Variants in STOX2 observed in about 807,000 individuals in gnomAD.
The protein encoded by STOX2 is storkhead box 2.
Under a neutral mutation model 60.9 loss-of-function variants are expected in STOX2, and 28 were observed. The observed-to-expected ratio is 0.46, with a 90% CI of 0.34 to 0.63. The LOEUF (loss-of-function observed/expected upper bound fraction) is 0.63. Among genes scored for constraint, STOX2 ranks in the 30% least tolerant of loss-of-function variants. STOX2 has a pLI of 0.01. For missense variants in STOX2, 1,024 were observed against 1,187.7 expected, an observed-to-expected ratio of 0.86 and a Z score of 2.03; for synonymous variants, 472 against 463.9, an observed-to-expected ratio of 1.02 and a Z score of -0.22.
At chr4:183,944,776 G>C (rs1448259723) in intron 1 of STOX2, among the ~76,000 whole-genome samples, 1 of 152,140 alleles carries the variant, frequency 6.6e-6, no homozygotes, top group Non-Finnish European at 1.5e-5. Flanking sequence ...ATTTGCCTTT[G>C]AGCACCTCAA....
intron 1 of STOX2, among the ~76,000 whole-genome samples, chr4:183,852,462 AGG>A (rs1740174420): frequency 1.9e-5 from 1 of 53,782 alleles, no homozygotes. Flanking sequence ...AGAAACGATG[AGG>A]GAAAGGATGA....
At chr4:183,910,717 T>C (rs1317251689) in intron 1 of STOX2, among the ~76,000 whole-genome samples, 3 of 152,198 alleles carry the variant, frequency 2.0e-5, no homozygotes, top group Non-Finnish European at 4.4e-5. Flanking sequence ...ATAACATCTT[T>C]AAGGAGTAAA....
At chr4:183,992,363 A>G (rs1348348253) in intron 1 of STOX2, among the ~76,000 whole-genome samples, 1 of 152,218 alleles carries the variant, frequency 6.6e-6, no homozygotes, top group Non-Finnish European at 1.5e-5. Flanking sequence ...GGTGATTCCA[A>G]CTTAAAAAGA....
chr4:183,877,881 G>A (rs948360941), intron 1 of STOX2, among the ~76,000 whole-genome samples: 3 of 151,814 alleles, frequency 2.0e-5, no homozygotes, highest in Admixed American at 1.3e-4. Context: ...GTAGAGACGG[G>A]GTCTCACCCT....
intron 1 of STOX2, among the ~76,000 whole-genome samples, chr4:183,848,488 A>G (rs982696734): frequency 3.3e-5 from 5 of 152,176 alleles, no homozygotes; most frequent in Admixed American, 3.3e-4. Context: ...CACTGGCCAA[A>G]AGAAGAGATT....
chr4:183,807,262 G>A (rs904389197), intron 1 of STOX2, among the ~76,000 whole-genome samples: 3 of 152,158 alleles, frequency 2.0e-5, no homozygotes, highest in Non-Finnish European at 2.9e-5. Flanking sequence ...CTGAACCACC[G>A]CGCCCGGCCT....
rs57567099 is a variant in STOX2 at position 183,828,543 on chromosome 4, C to T, written c.364+30488C>T. Among the ~76,000 whole-genome samples, 768 of 152,196 alleles carry T rather than the reference C, an allele frequency of 5.0e-3. 8 individuals are homozygous for T. Among genetic ancestry groups the T allele is most frequent in the African/African-American group, 0.018 (730 of 41,496 alleles). ...AAATGGTCAGGAACTTGGGGAGGTG[C>T]ATTGAATGATGACAGTGTGTTTGAG... On this transcript the variant is annotated intron_variant, in intron 1 of 2. Transcript: ENST00000513034.
At chr4:183,860,435 C>CAAAAAACAAAAAAAAAAAAAAAA (rs1740403988) in intron 1 of STOX2, among the ~76,000 whole-genome samples, 1 of 19,022 alleles carries the variant, frequency 5.3e-5, no homozygotes, top group Admixed American at 8.6e-4. Flanking sequence ...AAACAAAAAA[C>CAAAAAACAAAAAAAAAAAAAAAA]AAAAAACAAA....
intron 2 of STOX2, among the ~76,000 whole-genome samples, chr4:184,002,692 G>A (rs1269801322): frequency 1.3e-5 from 2 of 152,164 alleles, no homozygotes; most frequent in African/African-American, 4.8e-5. Context: ...CATTAACACT[G>A]CAGTGACCAA....
intron 1 of STOX2, among the ~76,000 whole-genome samples, chr4:183,937,967 G>A (rs1011030080): frequency 6.6e-6 from 1 of 152,152 alleles, no homozygotes; most frequent in African/African-American, 2.4e-5. Context: ...GGGCAACATG[G>A]CAAAACCCCT....
In STOX2 at chr4:184,017,102, C is replaced by G; in HGVS notation, c.2599C>G (p.Leu867Val). The G allele has an allele frequency of 6.2e-7, 1 of 1,610,004 alleles. No individual in the cohort carries two copies. The highest frequency in any genetic ancestry group is 8.5e-7 in the Non-Finnish European group (1 of 1,178,410). ...TTGCTCTTTTAGTACTCGGGAGAGCCTGGCTTCCAACACATCAAGCATTGT... is the reference window on the plus strand; with the variant it reads ...TTGCTCTTTTAGTACTCGGGAGAGCGTGGCTTCCAACACATCAAGCATTGT... ...GFNSPRTRES[L>V]ASNTSSIVES... Residue 867 changes from leucine to valine, a missense_variant, in exon 4 of 4, where the codon CTG (leucine) becomes GTG (valine). Coordinates refer to ENST00000308497, the MANE Select transcript of STOX2 (RefSeq NM_020225.3).
chr4:183,865,894 TA>T lies in STOX2; in HGVS notation c.364+67843del, dbSNP rs774734190. On this transcript the variant is annotated intron_variant, in intron 1 of 2. Coordinates refer to the STOX2 transcript ENST00000513034. The surrounding 1 kb of genome is among the most constrained non-coding windows in gnomAD (Gnocchi z 4.1). ...AACCACTTAGGCATTGTGAGTCCAT[TA>T]AAACAACGTTTAAGCTGATGAGTGG... Among the ~76,000 whole-genome samples the T allele has an allele frequency of 2.6e-5, 4 of 152,116 alleles. No homozygotes were observed. Among genetic ancestry groups the T allele is most frequent in the Non-Finnish European group, 5.9e-5 (4 of 68,014 alleles).
At chr4:183,887,287 A>C (rs943810271) in intron 1 of STOX2, among the ~76,000 whole-genome samples, 2 of 151,866 alleles carry the variant, frequency 1.3e-5, no homozygotes, top group African/African-American at 4.8e-5. Flanking sequence ...AAAGTTATGT[A>C]CTTCTTCCCT....
intron 1 of STOX2, among the ~76,000 whole-genome samples, chr4:183,850,283 TA>T (rs1434376371): frequency 6.6e-6 from 1 of 152,034 alleles, no homozygotes; most frequent in Non-Finnish European, 1.5e-5. Flanking sequence ...TGCATTTTCT[TA>T]AATGCTCAAA....
At chr4:183,841,176 G>A (rs547831764) in intron 1 of STOX2, among the ~76,000 whole-genome samples, 2 of 141,908 alleles carry the variant, frequency 1.4e-5, no homozygotes, top group Non-Finnish European at 1.6e-5. Context: ...AGTTTTCATC[G>A]TAGTATTTAT....
rs528806306 is a variant in STOX2 at position 183,961,527 on chromosome 4, G to A, written c.167-39798G>A. Among the ~76,000 whole-genome samples the A allele has an allele frequency of 7.2e-5, 11 of 152,298 alleles. No individual in the cohort carries two copies. In the East Asian group the frequency reaches 2.1e-3, roughly 29 times the overall value. ...CTAGCAAGAATCTGTAGCCAGCTTT[G>A]CAGCGCTTCACCCTTGCTTTATTCT... is the stretch of plus-strand genomic sequence containing the variant. On this transcript the variant is annotated intron_variant, in intron 1 of 3. Coordinates refer to ENST00000308497, the MANE Select transcript of STOX2 (RefSeq NM_020225.3).
At chr4:183,853,805 C>T (rs1337973312) in intron 1 of STOX2, 1 of 152,164 alleles carries the variant, frequency 6.6e-6, no homozygotes, top group Non-Finnish European at 1.5e-5. Context: ...TTTTACAGAC[C>T]TCTTACAAAA....
At position 183,811,831 on chromosome 4, in the gene STOX2, G is replaced by A. The variant is rs1356617494; in HGVS notation, c.364+13776G>A. Among the ~76,000 whole-genome samples the A allele has an allele frequency of 2.0e-5, 3 of 152,126 alleles. No individual in the cohort carries two copies. In the East Asian group the frequency reaches 5.8e-4, roughly 29 times the overall value. ...CTATGGAAGAGATAAGGTTCAGAAA[G>A]CTCCAAAATTTCTTTGTTTTCTTAA... On this transcript the variant is annotated intron_variant, in intron 1 of 2. Coordinates refer to the STOX2 transcript ENST00000513034.
chr4:183,978,130 T>C (rs1191006101), intron 1 of STOX2, among the ~76,000 whole-genome samples: 1 of 152,240 alleles, frequency 6.6e-6, no homozygotes, highest in Non-Finnish European at 1.5e-5. Flanking sequence ...TTTTTTGTTT[T>C]TGTTGCATTT....
Sources: gnomAD v4.1 joint callset for allele counts (sites outside exome capture counted in the v4.1 genomes callset) on GRCh38, gnomAD v4.1.1 for gene constraint, Gnocchi (gnomAD v3.1) non-coding constraint, MANE v1.5 for transcripts, NCBI Gene and HGNC (gene_info 2026-07-23, HGNC 2026-07-21) for gene names.